The following DOCK11 variants were observed in gnomAD, a reference collection of about 807,000 sequenced individuals.
DOCK11 encodes dedicator of cytokinesis 11.
Under a neutral mutation model 169.1 loss-of-function variants are expected in DOCK11, and 70 were observed. That is an observed-to-expected ratio of 0.41 (90% CI 0.34 to 0.51). DOCK11 has a LOEUF of 0.51. Among genes scored for constraint, DOCK11 ranks in the 20% least tolerant of loss-of-function variants. The pLI is 0.10. For missense variants in DOCK11, 1,166 were observed against 1,538.8 expected, an observed-to-expected ratio of 0.76 and a Z score of 4.05; for synonymous variants, 529 against 541.3, an observed-to-expected ratio of 0.98 and a Z score of 0.32.
At chrX:118,498,347 G>A (rs1352351610) in intron 1 of DOCK11, among the ~76,000 whole-genome samples, 1 of 112,499 alleles carries the variant, frequency 8.9e-6, no homozygotes, top group Non-Finnish European at 1.9e-5. Context: ...TTGTCAATAG[G>A]ACACCCAGAT....
At chrX:118,582,813 C>T (rs1194211972) in intron 14 of DOCK11, among the ~76,000 whole-genome samples, 1 of 111,682 alleles carries the variant, frequency 9.0e-6, no homozygotes, top group African/African-American at 3.3e-5. Context: ...GAAATAGGAA[C>T]GCTTTTACAC....
At chrX:118,512,058 C>T (rs1042377321) in intron 1 of DOCK11, among the ~76,000 whole-genome samples, 2 of 111,906 alleles carry the variant, frequency 1.8e-5, no homozygotes, top group Admixed American at 9.5e-5. Context: ...GGACTACAGG[C>T]GCACGCCGCC....
chrX:118,626,955 C>T (rs1405451388), intron 32 of DOCK11, among the ~76,000 whole-genome samples: 7 of 112,563 alleles, frequency 6.2e-5, no homozygotes, highest in South Asian at 3.6e-4. Context: ...CCAGGCTGGG[C>T]GCCGTGGCAC....
At chrX:118,653,960 G>A (rs2016005873) in intron 42 of DOCK11, among the ~76,000 whole-genome samples, 1 of 112,184 alleles carries the variant, frequency 8.9e-6, no homozygotes, top group Non-Finnish European at 1.9e-5. Context: ...TTTCTGGAAC[G>A]TTCTGTGATT....
chrX:118,555,992 C>T (rs2012674906), intron 6 of DOCK11, among the ~76,000 whole-genome samples: 2 of 110,693 alleles, frequency 1.8e-5, no homozygotes, highest in South Asian at 3.9e-4. Context: ...AATAGGTAAA[C>T]GCTCTTGGGA....
At chrX:118,529,927 G>T (rs898858432) in intron 1 of DOCK11, among the ~76,000 whole-genome samples, 1 of 111,657 alleles carries the variant, frequency 9.0e-6, no homozygotes, top group Non-Finnish European at 1.9e-5. Context: ...ATGGAGACCA[G>T]ATCACAAGGG....
At chrX:118,672,132 G>A (rs1276215429) in intron 46 of DOCK11, among the ~76,000 whole-genome samples, 3 of 112,225 alleles carry the variant, frequency 2.7e-5, no homozygotes, top group Non-Finnish European at 5.6e-5. Flanking sequence ...ATAATTTAGC[G>A]GAGAACCTAA....
chrX:118,562,208 A>G (rs1476251889), intron 7 of DOCK11, among the ~76,000 whole-genome samples: 1 of 108,889 alleles, frequency 9.2e-6, no homozygotes, highest in African/African-American at 3.3e-5. Context: ...GCATTTTTCC[A>G]TCTTGATTGA....
At chrX:118,593,962 G>A (rs2014081555) in intron 20 of DOCK11, among the ~76,000 whole-genome samples, 1 of 111,808 alleles carries the variant, frequency 8.9e-6, no homozygotes, top group Admixed American at 9.5e-5. Flanking sequence ...CACATATTGC[G>A]ATACAGTATT....
chrX:118,613,591 G>A (rs750985848), intron 28 of DOCK11, among the ~76,000 whole-genome samples: 2 of 112,712 alleles, frequency 1.8e-5, no homozygotes, highest in South Asian at 7.2e-4. Flanking sequence ...GAATGAATAA[G>A]ACCAGATAGA....
In DOCK11 at chrX:118,681,190, C is replaced by T. The variant is rs1228259022; in HGVS notation, c.5804C>T (p.Ser1935Phe). Residue 1935 changes from serine to phenylalanine, a missense_variant, in exon 50 of 53, where the codon TCT becomes TTT. By Grantham distance (155) the Ser-to-Phe change is radical. Coordinates refer to ENST00000276202, the MANE Select transcript of DOCK11 (RefSeq NM_144658.4). ...GCAGAGCTGCAAAAGCTTTGCTCCT[C>T]TACTGACGTGGACATGATTCAGCTC... ...KTAELQKLCSSTDVDMIQLQL... is the reference protein window; with the variant it reads ...KTAELQKLCSFTDVDMIQLQL... 1 of 1,205,251 alleles carries T rather than the reference C, an allele frequency of 8.3e-7. No individual in the cohort carries two copies. Among genetic ancestry groups the T allele is most frequent in the Non-Finnish European group, 1.1e-6 (1 of 893,311 alleles).
At chrX:118,598,177 A>G (rs2014227805) in intron 22 of DOCK11, 61 bp downstream of exon 22, 3 of 864,540 alleles carry the variant, frequency 3.5e-6, no homozygotes, top group Admixed American at 2.4e-5. Context: ...ATTAAAATAG[A>G]CCACATTTGA....
In DOCK11 at chrX:118,542,920, T is replaced by G. The variant is rs372939539; in HGVS notation, c.220-6T>G. The G allele has an allele frequency of 4.1e-6, 5 of 1,208,305 alleles. No individual in the cohort carries two copies. Among genetic ancestry groups the G allele is most frequent in the Non-Finnish European group, 5.6e-6 (5 of 894,186 alleles). On this transcript the variant is annotated splice_region_variant and splice_polypyrimidine_tract_variant and intron_variant, in intron 2 of 52. Coordinates refer to ENST00000276202, the MANE Select transcript of DOCK11 (RefSeq NM_144658.4). ...TCTTACAGCAAAAATGTTCTTTGTG[T>G]TCTAGATCTCGGTGATAGGTCGTCA...
At chrX:118,498,812 T>A (rs2057554491) in intron 1 of DOCK11, among the ~76,000 whole-genome samples, 1 of 111,536 alleles carries the variant, frequency 9.0e-6, no homozygotes, top group South Asian at 3.8e-4. Flanking sequence ...GGCCTGTTGC[T>A]AACATCATTC....
chrX:118,685,868 A>G lies in DOCK11; in HGVS notation c.*61A>G. On this transcript the variant is annotated 3_prime_UTR_variant, in exon 53 of 53. Coordinates refer to ENST00000276202, the MANE Select transcript of DOCK11 (RefSeq NM_144658.4). Reference sequence around the variant, plus strand: ...TTCTCAGGAATATTTGGAGCTGTGCAAATGTTAAAATTTAAAGATTTGATA... The same window carrying G: ...TTCTCAGGAATATTTGGAGCTGTGCGAATGTTAAAATTTAAAGATTTGATA... 8.6e-7 allele frequency: 1 copy of G among 1,161,864 alleles called. No individual in the cohort carries two copies. Among genetic ancestry groups the G allele is most frequent in the East Asian group, 3.1e-5 (1 of 32,736 alleles).
chrX:118,593,629 CT>C (rs1472672120), intron 20 of DOCK11, among the ~76,000 whole-genome samples: 1 of 111,345 alleles, frequency 9.0e-6, no homozygotes, highest in Admixed American at 9.5e-5. Context: ...GCAGAAACCC[CT>C]GATAAACCCA....
chrX:118,600,953 T>C (rs2014318851), intron 23 of DOCK11, among the ~76,000 whole-genome samples: 1 of 110,947 alleles, frequency 9.0e-6, no homozygotes, highest in Admixed American at 9.6e-5. Flanking sequence ...GCGAGGAGTT[T>C]GAATTTACTC....
chrX:118,636,722 T>G (rs1353173190), intron 36 of DOCK11, among the ~76,000 whole-genome samples: 1 of 111,752 alleles, frequency 8.9e-6, no homozygotes, highest in Non-Finnish European at 1.9e-5. Context: ...TTGGAACAGA[T>G]GCTGGATTAG....
In DOCK11 at chrX:118,580,093, T is replaced by A. The variant is rs1325641228; in HGVS notation, c.1513-4T>A. 8.3e-7 allele frequency: 1 copy of A among 1,207,539 alleles called. No individual in the cohort carries two copies. The highest frequency in any genetic ancestry group is 2.2e-5 in the Admixed American group (1 of 45,669). Reference sequence around the variant, plus strand: ...CAAGCCTATCTTCTTGTTTCTGACCTTAGACGGCCCAGAAGGTGCACAGGA... The same window carrying A: ...CAAGCCTATCTTCTTGTTTCTGACCATAGACGGCCCAGAAGGTGCACAGGA... On this transcript the variant is annotated splice_polypyrimidine_tract_variant and splice_region_variant and intron_variant, in intron 13 of 52. Transcript: ENST00000276202.
Sources: gnomAD v4.1 joint callset for allele counts (sites outside exome capture counted in the v4.1 genomes callset) on GRCh38, gnomAD v4.1.1 for gene constraint, MANE v1.5 for transcripts, NCBI Gene and HGNC (gene_info 2026-07-23, HGNC 2026-07-21) for gene names.